Variants in TAF1B observed in about 807,000 individuals in gnomAD.
TAF1B encodes the protein TATA-box binding protein associated factor, RNA polymerase I subunit B.
In TAF1B, 61 loss-of-function variants were observed where a neutral mutation model predicts 83.9. The observed-to-expected ratio is 0.73, with a 90% confidence interval of 0.59 to 0.90. TAF1B has a LOEUF of 0.90. TAF1B is among the 40% of genes least tolerant of loss of function. The probability of loss-of-function intolerance (pLI) is 0.00; values close to 1 mark genes in which losing one functional copy is unlikely to be tolerated. For synonymous variants in TAF1B, 221 were observed against 224.6 expected (o/e 0.98, Z 0.14); for missense variants, 625 against 677.0 (o/e 0.92, Z 0.85).
intron 4 of TAF1B, chr2:9,852,083 A>G (rs1663414653): frequency 4.3e-6 from 2 of 468,082 alleles, no homozygotes; most frequent in Middle Eastern, 3.3e-4. Context: ...ATGCTAAACC[A>G]GTCGTTCACC....
chr2:9,845,932 G>A (rs1460410712), intron 2 of TAF1B: 6 of 354,024 alleles, frequency 1.7e-5, no homozygotes, highest in South Asian at 7.1e-5. Flanking sequence ...GCAGTGAGAC[G>A]AGATCACGCC....
At chr2:9,865,720 A>G (rs1663949347) in intron 5 of TAF1B, among the ~76,000 whole-genome samples, 1 of 151,926 alleles carries the variant, frequency 6.6e-6, no homozygotes, top group Non-Finnish European at 1.5e-5. Flanking sequence ...ACAGCATGGT[A>G]CTGGTACCAA....
intron 12 of TAF1B, among the ~76,000 whole-genome samples, chr2:9,917,454 A>T (rs1368655280): frequency 6.7e-6 from 1 of 148,714 alleles, no homozygotes. Context: ...GTTTTTCTGG[A>T]AAGTTCACAG....
chr2:9,858,318 A>G lies in TAF1B; in HGVS notation c.399+3897A>G, dbSNP rs116747478. 8.1e-3 allele frequency among the ~76,000 whole-genome samples: 1,236 copies of G among 152,242 alleles called. 18 individuals are homozygous for G. The highest frequency in any genetic ancestry group is 0.028 in the African/African-American group (1,159 of 41,552). On this transcript the variant is annotated intron_variant, in intron 5 of 14. Coordinates refer to ENST00000263663, the MANE Select transcript of TAF1B (RefSeq NM_005680.3). ...TCTCACATCCAGGCATGCTGATGCAAGGGGTGGTTTCACAAGGTCTTGGGC... is the reference window on the plus strand; with the variant it reads ...TCTCACATCCAGGCATGCTGATGCAGGGGGTGGTTTCACAAGGTCTTGGGC...
intron 14 of TAF1B, among the ~76,000 whole-genome samples, chr2:9,925,056 C>A (rs1665992331): frequency 6.6e-6 from 1 of 152,132 alleles, no homozygotes; most frequent in African/African-American, 2.4e-5. Context: ...TTGTATTCCA[C>A]AGGAAATGGA....
intron 14 of TAF1B, among the ~76,000 whole-genome samples, chr2:9,932,601 G>A (rs917062912): frequency 1.9e-4 from 29 of 152,298 alleles, no homozygotes; most frequent in African/African-American, 6.3e-4. Flanking sequence ...ACTGGGAGGT[G>A]TCTCCCAGTT....
intron 6 of TAF1B, 69 bp from the exon 7 acceptor site, chr2:9,875,796 T>C: frequency 4.8e-6 from 7 of 1,468,888 alleles, no homozygotes; most frequent in South Asian, 1.4e-5. Context: ...TGTTTAGATT[T>C]TTTGCTGTTT....
chr2:9,849,348 A>G (rs1009622394), intron 2 of TAF1B, 25 bp from the exon 3 acceptor site: 1 of 1,542,882 alleles, frequency 6.5e-7, no homozygotes, highest in Non-Finnish European at 8.8e-7. Context: ...GATCTTTTTT[A>G]ATGGTCTTTT....
intron 2 of TAF1B, among the ~76,000 whole-genome samples, chr2:9,848,944 T>C (rs1409059481): frequency 6.6e-6 from 1 of 152,192 alleles, no homozygotes; most frequent in East Asian, 1.9e-4. Context: ...AGAGTATTAT[T>C]CAAAGACATG....
At position 9,933,962 on chromosome 2, in the gene TAF1B, C is replaced by G; in HGVS notation, c.1745C>G (p.Ser582Cys). 2.5e-6 allele frequency: 4 copies of G among 1,602,670 alleles called. No individual in the cohort carries two copies. In the African/African-American group the frequency reaches 5.4e-5, roughly 22 times the overall value. ...KYSVKRKKSR[S>C]KKVRRH ...AGTGTAAAAAGAAAGAAATCAAGAT[C>G]CAAGAAAGTGAGACGACATTGAGAA... is the stretch of plus-strand genomic sequence containing the variant. Residue 582 changes from serine (S) to cysteine (C), a missense_variant, in exon 15 of 15, where the codon TCC becomes TGC. By Grantham distance (112) the Ser-to-Cys change is moderately radical (BLOSUM62 -1). Coordinates refer to ENST00000263663, the MANE Select transcript of TAF1B (RefSeq NM_005680.3).
chr2:9,920,385 T>C (rs1665836772), intron 14 of TAF1B, among the ~76,000 whole-genome samples: 2 of 152,216 alleles, frequency 1.3e-5, no homozygotes, highest in South Asian at 4.1e-4. Context: ...AATCTGATTG[T>C]CCCTCAGCCT....
intron 8 of TAF1B, among the ~76,000 whole-genome samples, chr2:9,883,934 G>A (rs1408692142): frequency 6.6e-6 from 1 of 152,158 alleles, no homozygotes; most frequent in Non-Finnish European, 1.5e-5. Flanking sequence ...CTTTGTGGCC[G>A]GTGGCATCTT....
In TAF1B at chr2:9,914,330, C is replaced by G. The variant is rs1665617894; in HGVS notation, c.1271+1081C>G. Among the ~76,000 whole-genome samples the G allele has an allele frequency of 6.6e-6, 1 of 152,094 alleles. No individual in the cohort carries two copies. The highest frequency in any genetic ancestry group is 2.4e-5 in the African/African-American group (1 of 41,418). ...ATTCCCAGGAAACCAGGCTCCCTGC[C>G]TCCTCATCAGAGAAGGAGTGACTCT... On this transcript the variant is annotated intron_variant, in intron 12 of 14. Coordinates refer to ENST00000263663, the MANE Select transcript of TAF1B (RefSeq NM_005680.3). This position sits in a 1 kb window ranked among gnomAD's most constrained non-coding sequence, Gnocchi z 4.3.
In TAF1B at chr2:9,913,564, C is replaced by T; in HGVS notation, c.1271+315C>T. The T allele has an allele frequency of 1.0e-5, 2 of 200,816 alleles. 1 individual carries two copies. The highest frequency in any genetic ancestry group is 2.0e-5 in the Non-Finnish European group (2 of 100,574). 12.4% of individuals were successfully genotyped at this position (200,816 alleles called of 1,614,324 possible). A position where few individuals can be genotyped will look rare whatever the true frequency, so the allele number is the denominator to read the frequency against. ...ATGAGACTTGCCTATATTTCTAATACTCCTCCCTCTTCCCCTTTCTCAAAT... is the reference window on the plus strand; with the variant it reads ...ATGAGACTTGCCTATATTTCTAATATTCCTCCCTCTTCCCCTTTCTCAAAT... On this transcript the variant is annotated intron_variant, in intron 12 of 14. Transcript: ENST00000263663.
chr2:9,922,862 G>T (rs1665919322), intron 14 of TAF1B, among the ~76,000 whole-genome samples: 1 of 152,142 alleles, frequency 6.6e-6, no homozygotes, highest in African/African-American at 2.4e-5. Flanking sequence ...ATTGAATGAG[G>T]TATTTGATGT....
chr2:9,859,361 C>T (rs1014653132), intron 5 of TAF1B, among the ~76,000 whole-genome samples: 2 of 151,102 alleles, frequency 1.3e-5, no homozygotes, highest in African/African-American at 4.9e-5. Flanking sequence ...TCAGCCTGGA[C>T]TTCATTGTCC....
rs776045935 is a variant in TAF1B at position 9,868,346 on chromosome 2, C to T, written c.470C>T (p.Pro157Leu). The change falls in exon 6 of 15, where the codon CCT (proline) becomes CTT (leucine). Residue 157 changes from proline to leucine, a missense_variant. Coordinates refer to ENST00000263663, the MANE Select transcript of TAF1B (RefSeq NM_005680.3). The part of the protein sequence containing the change: ...EPELLSDVSC[P>L]PFLESGAESQ... ...GAGCTGCTAAGTGATGTCAGCTGTC[C>T]TCCTTTTCTTGAAAGTGGAGCGGAG... 3.7e-6 allele frequency: 6 copies of T among 1,614,060 alleles called. No individual in the cohort carries two copies. The African/African-American group carries it at 8.0e-5, about 22-fold the overall frequency.
chr2:9,888,585 T>C (rs1213242599), intron 8 of TAF1B, among the ~76,000 whole-genome samples: 1 of 152,082 alleles, frequency 6.6e-6, no homozygotes, highest in Non-Finnish European at 1.5e-5. Context: ...TACCTTTTTT[T>C]CAGTACTTTA....
chr2:9,881,412 C>A (rs988024774), intron 7 of TAF1B, among the ~76,000 whole-genome samples: 1 of 152,044 alleles, frequency 6.6e-6, no homozygotes, highest in Non-Finnish European at 1.5e-5. Flanking sequence ...CCCAGCTCTT[C>A]AAGGCAATGC....
Sources: allele counts gnomAD v4.1 joint callset (sites outside exome capture counted in the v4.1 genomes callset), GRCh38; gene constraint gnomAD v4.1.1; non-coding constraint Gnocchi (gnomAD v3.1); transcripts MANE v1.5; gene names NCBI Gene and HGNC (gene_info 2026-07-23, HGNC 2026-07-21).